Variants in UGGT2 observed in about 807,000 individuals in gnomAD.
UGGT2 encodes the protein UDP-glucose glycoprotein glucosyltransferase 2, also known as UDP-glucose:glycoprotein glucosyltransferase 2.
In UGGT2, 180 loss-of-function variants were observed where a neutral mutation model predicts 192.1. The ratio of observed to expected loss-of-function variants is 0.94; its 90% CI spans 0.83 to 1.06. The LOEUF (loss-of-function observed/expected upper bound fraction) is 1.06, where lower values mean the gene tolerates loss of function less well. Ranked by LOEUF, UGGT2 falls within the 50% of genes least tolerant of loss-of-function variation. UGGT2 has a pLI of 0.00. For synonymous variants in UGGT2, 580 were observed against 591.0 expected, an observed-to-expected ratio of 0.98 and a Z score of 0.27; for missense variants, 1,849 against 1,795.7, an observed-to-expected ratio of 1.03 and a Z score of -0.54.
At chr13:96,008,328 A>G (rs2052046782) in intron 5 of UGGT2, among the ~76,000 whole-genome samples, 1 of 152,150 alleles carries the variant, frequency 6.6e-6, no homozygotes. Flanking sequence ...AGGAACTTAA[A>G]CATACCCTTT....
chr13:95,856,371 T>C (rs752156479), intron 33 of UGGT2, 31 bp from the exon 34 acceptor site: 7 of 1,574,988 alleles, frequency 4.4e-6, no homozygotes, highest in African/African-American at 1.4e-5. Context: ...TCAAACAATA[T>C]GTTCAAGAGA....
At chr13:95,849,943 T>C (rs1189055328) in intron 36 of UGGT2, among the ~76,000 whole-genome samples, 5 of 150,920 alleles carry the variant, frequency 3.3e-5, no homozygotes, top group African/African-American at 1.2e-4. Flanking sequence ...TTTTTGGTCA[T>C]TTTTTTGGAT....
intron 12 of UGGT2, among the ~76,000 whole-genome samples, chr13:95,962,310 C>T (rs1480408370): frequency 6.6e-6 from 1 of 151,590 alleles, no homozygotes; most frequent in African/African-American, 2.4e-5. Context: ...AAAGATAAAC[C>T]ACTTGATAGA....
chr13:95,877,387 A>C, intron 28 of UGGT2, 23 bp from the exon 29 acceptor site: 1 of 1,568,670 alleles, frequency 6.4e-7, no homozygotes, highest in Non-Finnish European at 8.7e-7. Flanking sequence ...GAAAAAAATA[A>C]TCATTGAGTA....
intron 1 of UGGT2, among the ~76,000 whole-genome samples, chr13:96,034,523 C>T (rs1190481838): frequency 6.6e-6 from 1 of 152,208 alleles, no homozygotes; most frequent in East Asian, 1.9e-4. Context: ...AGGGCTGAAA[C>T]ACGTGCCCCA....
chr13:95,979,669 T>C (rs1305152569), intron 10 of UGGT2, among the ~76,000 whole-genome samples: 1 of 151,928 alleles, frequency 6.6e-6, no homozygotes, highest in Non-Finnish European at 1.5e-5. Context: ...ATTGTTATTA[T>C]GTATTTAAAG....
intron 1 of UGGT2, among the ~76,000 whole-genome samples, chr13:96,050,112 G>A (rs1205433218): frequency 6.6e-6 from 1 of 152,158 alleles, no homozygotes; most frequent in Non-Finnish European, 1.5e-5. Context: ...AAACACCATG[G>A]TACTGGTGCC....
intron 12 of UGGT2, among the ~76,000 whole-genome samples, chr13:95,952,933 G>T (rs1356703235): frequency 3.3e-5 from 5 of 152,116 alleles, no homozygotes; most frequent in Admixed American, 6.5e-5. Flanking sequence ...CAAATGTCTT[G>T]ATGTCTTTTA....
intron 34 of UGGT2, among the ~76,000 whole-genome samples, chr13:95,855,197 G>A (rs1889474053): frequency 6.6e-6 from 1 of 151,030 alleles, no homozygotes; most frequent in South Asian, 2.1e-4. Context: ...GAGGTGGGAG[G>A]ATGGCTCGAA....
chr13:95,811,066 C>G (rs905343748), intron 38 of UGGT2, among the ~76,000 whole-genome samples: 1 of 152,138 alleles, frequency 6.6e-6, no homozygotes, highest in African/African-American at 2.4e-5. Flanking sequence ...TACTACTTCT[C>G]AGCCACTATG....
At chr13:95,894,157 T>C (rs2047881810) in intron 24 of UGGT2, among the ~76,000 whole-genome samples, 1 of 152,146 alleles carries the variant, frequency 6.6e-6, no homozygotes, top group Non-Finnish European at 1.5e-5. Flanking sequence ...CTCTCGCGCA[T>C]GCATGTGTGT....
At chr13:95,837,830 A>G (rs1297662139) in intron 36 of UGGT2, among the ~76,000 whole-genome samples, 1 of 152,190 alleles carries the variant, frequency 6.6e-6, no homozygotes, top group Non-Finnish European at 1.5e-5. Flanking sequence ...TTCAAGAGCA[A>G]AGGCATGTTC....
rs191077926 is a variant in UGGT2, at chr13:95,996,155, C to G, written c.758-20G>C. 54 of 1,587,286 alleles carry G rather than the reference C, an allele frequency of 3.4e-5. No homozygotes were observed. In the Middle Eastern group the frequency reaches 5.0e-4, roughly 15 times the overall value. On this transcript the variant is annotated intron_variant, in intron 6 of 38. Coordinates refer to ENST00000376747, the MANE Select transcript of UGGT2 (RefSeq NM_020121.4). ...TCACAGCTACATTTTGGAAACAAAA[C>G]CAAAAAACAACAAAAATATTTTCAG... is the stretch of plus-strand genomic sequence containing the variant.
At chr13:96,040,263 T>C (rs2053126594) in intron 1 of UGGT2, among the ~76,000 whole-genome samples, 1 of 152,194 alleles carries the variant, frequency 6.6e-6, no homozygotes, top group South Asian at 2.1e-4. Context: ...AATCAAGGTG[T>C]TGGCAGGGCT....
At chr13:95,811,561 G>A (rs1884583789) in intron 38 of UGGT2, among the ~76,000 whole-genome samples, 1 of 152,094 alleles carries the variant, frequency 6.6e-6, no homozygotes, top group Admixed American at 6.5e-5. Context: ...ACAACTCTAT[G>A]AATATACTAA....
chr13:95,927,473 T>TC, intron 17 of UGGT2, 137 bp from the exon 18 acceptor site: 5 of 522,510 alleles, frequency 9.6e-6, no homozygotes, highest in Non-Finnish European at 1.1e-5. Context: ...TTTCTTTCTT[T>TC]TTTTTTTTTT....
chr13:95,903,089 C>T, intron 20 of UGGT2, 29 bp from the exon 21 acceptor site: 1 of 1,587,370 alleles, frequency 6.3e-7, no homozygotes, highest in Non-Finnish European at 8.6e-7. Flanking sequence ...ATTAAAAAGA[C>T]CAGTATCATA....
chr13:95,973,718 A>G (rs1170280376), intron 10 of UGGT2, among the ~76,000 whole-genome samples: 1 of 152,208 alleles, frequency 6.6e-6, no homozygotes, highest in East Asian at 1.9e-4. Context: ...ACGGTTGTCA[A>G]GATCACAGTG....
At chr13:95,947,270 G>A in intron 14 of UGGT2, 98 bp from the exon 15 acceptor site, 1 of 1,222,364 alleles carries the variant, frequency 8.2e-7, no homozygotes, top group African/African-American at 1.5e-5. Flanking sequence ...TCTAGATGGA[G>A]AGAATGTATT....
Sources: gnomAD v4.1 joint callset for allele counts (sites outside exome capture counted in the v4.1 genomes callset) on GRCh38, gnomAD v4.1.1 for gene constraint, MANE v1.5 for transcripts, NCBI Gene and HGNC (gene_info 2026-07-23, HGNC 2026-07-21) for gene names.